Variants in COL8A1 observed in about 807,000 individuals in gnomAD.
COL8A1 encodes the protein collagen alpha-1(VIII) chain.
COL8A1 carries 21 observed loss-of-function variants against 42.7 expected under a neutral mutation model. That is an observed-to-expected ratio of 0.49 (90% confidence interval 0.35 to 0.71). COL8A1 has a LOEUF of 0.71. Ranked by LOEUF, COL8A1 falls within the 30% of genes least tolerant of loss-of-function variation. COL8A1 has a pLI of 0.01. For synonymous variants in COL8A1, 367 were observed against 369.1 expected (o/e 0.99, Z 0.06); for missense variants, 788 against 962.4 (o/e 0.82, Z 2.40).
At chr3:99,791,605 G>T (rs962503011) in intron 3 of COL8A1, among the ~76,000 whole-genome samples, 1 of 152,178 alleles carries the variant, frequency 6.6e-6, no homozygotes, top group African/African-American at 2.4e-5. Context: ...CTTTCTTGGC[G>T]TATTTATTTA....
intron 1 of COL8A1, among the ~76,000 whole-genome samples, chr3:99,658,781 A>G (rs991365291): frequency 2.0e-5 from 3 of 152,254 alleles, no homozygotes; most frequent in African/African-American, 7.2e-5. Context: ...AGCAACCAAC[A>G]GTGCAAGGCG....
chr3:99,660,580 A>G (rs1188380822), intron 1 of COL8A1, among the ~76,000 whole-genome samples: 1 of 152,212 alleles, frequency 6.6e-6, no homozygotes, highest in Non-Finnish European at 1.5e-5. Context: ...CTTGGCTTAC[A>G]CTTAATTGTT....
intron 3 of COL8A1, among the ~76,000 whole-genome samples, chr3:99,791,529 A>G (rs1246139030): frequency 2.6e-5 from 4 of 152,258 alleles, no homozygotes; most frequent in Admixed American, 2.6e-4. Flanking sequence ...CAATCAATAG[A>G]TCAACAGAAG....
intron 1 of COL8A1, among the ~76,000 whole-genome samples, chr3:99,669,177 AG>A (rs1938467083): frequency 6.8e-6 from 1 of 147,602 alleles, no homozygotes. Flanking sequence ...AGAGAGAGAG[AG>A]AGAGGGACAA....
intron 1 of COL8A1, among the ~76,000 whole-genome samples, chr3:99,644,922 T>A (rs115852520): frequency 0.028 from 4,245 of 152,272 alleles, 102 homozygotes; most frequent in Non-Finnish European, 0.041. Flanking sequence ...TTTTTGGAAG[T>A]CTGGGCCAAT....
intron 2 of COL8A1, among the ~76,000 whole-genome samples, chr3:99,762,345 G>A (rs1941380524): frequency 6.6e-6 from 1 of 152,116 alleles, no homozygotes; most frequent in Non-Finnish European, 1.5e-5. Context: ...ACAAATAAAG[G>A]TCGAGATACC....
intron 2 of COL8A1, among the ~76,000 whole-genome samples, 183 bp downstream of exon 2, chr3:99,745,204 T>C (rs1424264699): frequency 2.0e-5 from 3 of 152,164 alleles, no homozygotes; most frequent in Non-Finnish European, 4.4e-5. Context: ...GCTACTAATA[T>C]TAGGTTTTCA....
At chr3:99,693,520 T>A (rs900933037) in intron 1 of COL8A1, among the ~76,000 whole-genome samples, 3 of 152,156 alleles carry the variant, frequency 2.0e-5, no homozygotes, top group Admixed American at 6.5e-5. Context: ...AATGTGTGTG[T>A]TTGTGTTTTT....
At chr3:99,658,916 C>T (rs1290892897) in intron 1 of COL8A1, among the ~76,000 whole-genome samples, 1 of 152,142 alleles carries the variant, frequency 6.6e-6, no homozygotes, top group Non-Finnish European at 1.5e-5. Flanking sequence ...AAAGTGTAGT[C>T]TAAGGACTAC....
intron 1 of COL8A1, among the ~76,000 whole-genome samples, chr3:99,641,783 C>G (rs748084751): frequency 1.6e-4 from 24 of 152,134 alleles, no homozygotes; most frequent in Admixed American, 5.2e-4. Flanking sequence ...TTCAACCAGA[C>G]CCCTATAAAC....
intron 1 of COL8A1, among the ~76,000 whole-genome samples, chr3:99,718,847 A>C (rs549745965): frequency 6.8e-4 from 104 of 152,260 alleles, no homozygotes; most frequent in Non-Finnish European, 1.3e-3. Flanking sequence ...GGAACATCTT[A>C]GGAAAAGATT....
rs527738992 is a variant in COL8A1, at chr3:99,797,979, C to A, written c.*1843C>A. The A allele has an allele frequency of 6.6e-6, 1 of 152,218 alleles. No homozygotes were observed. Among genetic ancestry groups the A allele is most frequent in the African/African-American group, 2.4e-5 (1 of 41,540 alleles). The allele number at this position is 152,218 out of a possible 1,614,324, so 9.4% of individuals were successfully genotyped here. ...CTGCTGCTGACTCTATCACTTGGAG[C>A]AATAATGTGGGGTTATGGTGGTGGA... is the stretch of plus-strand genomic sequence containing the variant. On this transcript the variant is annotated 3_prime_UTR_variant, in exon 4 of 4. Coordinates refer to ENST00000652472, the MANE Select transcript of COL8A1 (RefSeq NM_020351.4).
intron 1 of COL8A1, among the ~76,000 whole-genome samples, chr3:99,726,683 G>T (rs1277098793): frequency 5.3e-5 from 8 of 151,884 alleles, no homozygotes; most frequent in Non-Finnish European, 1.2e-4. Flanking sequence ...TTTCCCCATT[G>T]CTTGTTTTTC....
At chr3:99,728,076 T>G (rs1940390804) in intron 1 of COL8A1, among the ~76,000 whole-genome samples, 1 of 151,814 alleles carries the variant, frequency 6.6e-6, no homozygotes, top group African/African-American at 2.4e-5. Flanking sequence ...CTTTGAAAAC[T>G]GGCACAAGAC....
In COL8A1 at chr3:99,794,574, C is replaced by T. The variant is rs980591241; in HGVS notation, c.673C>T (p.Arg225Ter). 1.9e-6 allele frequency: 3 copies of T among 1,613,662 alleles called. No individual in the cohort carries two copies. The highest frequency in any genetic ancestry group is 1.7e-6 in the Non-Finnish European group (2 of 1,179,764). The change falls in exon 4 of 4, where the codon CGA becomes TGA. Residue 225 changes from arginine (R) to a stop codon, truncating the protein, a stop_gained. Transcript: ENST00000652472. LOFTEE classifies it high-confidence loss of function. This position sits in a 1 kb window ranked among gnomAD's most constrained non-coding sequence, Gnocchi z 4.3. ...LPGQPGPKGD[R>*]GPKGLPGPQG... ...AGGGCAACCAGGACCAAAGGGTGAT[C>T]GAGGACCCAAAGGACTACCAGGACC...
In COL8A1 at chr3:99,790,737, C is replaced by A; in HGVS notation, c.55C>A (p.Leu19Met). The A allele has an allele frequency of 6.2e-7, 1 of 1,614,200 alleles. No homozygotes were observed. The highest frequency in any genetic ancestry group is 2.2e-5 in the East Asian group (1 of 44,878). ...QLLGVLLTISLSSIRLIQAGA... is the reference protein window; with the variant it reads ...QLLGVLLTISMSSIRLIQAGA... ...GCTGGGAGTGCTGCTTACCATTTCC[C>A]TGAGTTCCATCAGGCTCATTCAGGC... Residue 19 changes from leucine to methionine, a missense_variant, in exon 3 of 4, where the codon CTG becomes ATG. Leu to Met is a conservative substitution (Grantham distance 15). Transcript: ENST00000652472.
At chr3:99,688,711 C>T (rs1939134298) in intron 1 of COL8A1, among the ~76,000 whole-genome samples, 1 of 152,134 alleles carries the variant, frequency 6.6e-6, no homozygotes, top group African/African-American at 2.4e-5. Context: ...GAAAATAATG[C>T]ATTGGCAGCA....
At chr3:99,743,899 A>AACAGCAAATGTAG (rs1318469770) in intron 1 of COL8A1, among the ~76,000 whole-genome samples, 2 of 152,104 alleles carry the variant, frequency 1.3e-5, no homozygotes, top group Non-Finnish European at 2.9e-5. Flanking sequence ...TTCCTCTTAA[A>AACAGCAAATGTAG]ATATTTTTTG....
intron 1 of COL8A1, among the ~76,000 whole-genome samples, chr3:99,729,328 G>A (rs1000160569): frequency 6.6e-6 from 1 of 151,894 alleles, no homozygotes; most frequent in African/African-American, 2.4e-5. Context: ...CAAACTAATA[G>A]AATCCAAAGA....
Sources: gnomAD v4.1 joint callset for allele counts (sites outside exome capture counted in the v4.1 genomes callset) on GRCh38, gnomAD v4.1.1 for gene constraint, Gnocchi (gnomAD v3.1) non-coding constraint, MANE v1.5 for transcripts, NCBI Gene and HGNC (gene_info 2026-07-23, HGNC 2026-07-21) for gene names.